The following UPF2 variants were observed in gnomAD, a reference collection of about 807,000 sequenced individuals.
UPF2 encodes UPF2 regulator of nonsense mediated mRNA decay.
A neutral mutation model predicts 141.4 loss-of-function variants in UPF2; 17 were observed. The observed-to-expected ratio is 0.12, with a 90% CI of 0.08 to 0.18. UPF2 has a LOEUF of 0.18. UPF2 is among the 10% of genes least tolerant of loss of function. UPF2 has a pLI of 1.00. For missense variants in UPF2, 1,152 were observed against 1,515.9 expected, an observed-to-expected ratio of 0.76 and a Z score of 3.99; for synonymous variants, 540 against 498.0, an observed-to-expected ratio of 1.08 and a Z score of -1.12.
At position 11,940,624 on chromosome 10, in the gene UPF2, C is replaced by T. The variant is rs1202530135; in HGVS notation, c.3378+2041G>A. 6.6e-6 allele frequency among the ~76,000 whole-genome samples: 1 copy of T among 152,212 alleles called. No homozygotes were observed. The highest frequency in any genetic ancestry group is 1.5e-5 in the Non-Finnish European group (1 of 68,026). Reference sequence around the variant, plus strand: ...ATCATCTTTGATGCCTCACCCCCTACACACCCATATCCAATCCAGCGCCAA... The same window carrying T: ...ATCATCTTTGATGCCTCACCCCCTATACACCCATATCCAATCCAGCGCCAA... On this transcript the variant is annotated intron_variant, in intron 18 of 21. Coordinates refer to ENST00000357604, the MANE Select transcript of UPF2 (RefSeq NM_015542.4). The surrounding 1 kb of genome is among the most constrained non-coding windows in gnomAD (Gnocchi z 4.2).
intron 9 of UPF2, among the ~76,000 whole-genome samples, chr10:11,970,831 A>G: frequency 6.6e-6 from 1 of 152,098 alleles, no homozygotes. Context: ...ATAAATAAAT[A>G]AATAACAAAA....
chr10:11,928,040 G>A (rs1832734067), intron 21 of UPF2, among the ~76,000 whole-genome samples: 1 of 152,336 alleles, frequency 6.6e-6, no homozygotes, highest in South Asian at 2.1e-4. Flanking sequence ...TCCACTAAGT[G>A]AGATCAGTAA....
intron 3 of UPF2, chr10:12,026,677 T>G (rs1358173330): frequency 2.2e-6 from 1 of 445,528 alleles, no homozygotes; most frequent in Admixed American, 2.5e-5. Flanking sequence ...TAGGACGAAG[T>G]CTCGCTCTTG....
intron 19 of UPF2, among the ~76,000 whole-genome samples, chr10:11,933,388 A>G (rs1832804700): frequency 2.6e-5 from 4 of 152,322 alleles, no homozygotes; most frequent in Non-Finnish European, 4.4e-5. Flanking sequence ...ATTCCAAATA[A>G]AGTTTAGAAG....
At chr10:11,937,405 C>T (rs1029677771) in intron 18 of UPF2, among the ~76,000 whole-genome samples, 38 of 152,240 alleles carry the variant, frequency 2.5e-4, no homozygotes, top group African/African-American at 9.2e-4. Flanking sequence ...TGTACAGCAC[C>T]TGTGGAGGAG....
rs1833572214 is a variant in UPF2 at position 11,980,398 on chromosome 10, T to C, written c.1845-1233A>G. 6.6e-6 allele frequency among the ~76,000 whole-genome samples: 1 copy of C among 152,166 alleles called. No homozygotes were observed. Among genetic ancestry groups the C allele is most frequent in the Non-Finnish European group, 1.5e-5 (1 of 68,030 alleles). On this transcript the variant is annotated intron_variant, in intron 8 of 21. Coordinates refer to ENST00000357604, the MANE Select transcript of UPF2 (RefSeq NM_015542.4). This position sits in a 1 kb window ranked among gnomAD's most constrained non-coding sequence, Gnocchi z 4.2. ...TAAAATTACAAGAGCTTAAAAATTA[T>C]GACAGCTTGAAGCCAATTAGAACAG...
intron 11 of UPF2, among the ~76,000 whole-genome samples, chr10:11,962,011 A>C (rs1362979778): frequency 6.6e-6 from 1 of 152,218 alleles, no homozygotes; most frequent in African/African-American, 2.4e-5. Flanking sequence ...CAAACAGGCA[A>C]GAAAAGACTC....
rs564376228 is a variant in UPF2 at position 12,016,186 on chromosome 10, C to A, written c.1146-2002G>T. On this transcript the variant is annotated intron_variant, in intron 3 of 21. Transcript: ENST00000357604. This position sits in a 1 kb window ranked among gnomAD's most constrained non-coding sequence, Gnocchi z 4.1. ...TTTAATCAGAAGTTCTAATAGAACT[C>A]ATTTTGGAAGTGAAAAGTCATTTAA... Among the ~76,000 whole-genome samples the A allele has an allele frequency of 6.6e-6, 1 of 152,018 alleles. No homozygotes were observed. Among genetic ancestry groups the A allele is most frequent in the Non-Finnish European group, 1.5e-5 (1 of 68,002 alleles).
rs144763957 is a variant in UPF2, at chr10:11,989,828, C to T, written c.1844+7844G>A. On this transcript the variant is annotated intron_variant, in intron 8 of 21. Transcript: ENST00000357604. The stretch of plus-strand genomic sequence containing the variant: ...GGCCACCTAGAAGCCATGCTAGTGA[C>T]GTAGATGAAAGTGGTCTGGATCCTT... Among the ~76,000 whole-genome samples the T allele has an allele frequency of 1.7e-3, 257 of 152,222 alleles. 1 individual carries two copies. The highest frequency in any genetic ancestry group is 5.8e-3 in the African/African-American group (239 of 41,544).
chr10:11,921,405 TCCC>T lies in UPF2; in HGVS notation c.3810-101_3810-99del. 6.7e-7 allele frequency: 1 copy of T among 1,491,016 alleles called. No individual in the cohort carries two copies. Among genetic ancestry groups the T allele is most frequent in the South Asian group, 1.2e-5 (1 of 86,462 alleles). The allele number at this position is 1,491,016 out of a possible 1,614,324, so 92.4% of individuals were successfully genotyped here. ...ACGCTACCCACCACCACCAAGTCAC[TCCC>T]CCAAGTTACAGGTGGCCCTGGCATC... On this transcript the variant is annotated intron_variant, in intron 21 of 21. Coordinates refer to ENST00000357604, the MANE Select transcript of UPF2 (RefSeq NM_015542.4). This position sits in a 1 kb window ranked among gnomAD's most constrained non-coding sequence, Gnocchi z 5.9.
In UPF2 at chr10:11,936,715, A is replaced by G; in HGVS notation, c.3379-3T>C. The G allele has an allele frequency of 6.2e-7, 1 of 1,601,060 alleles. No homozygotes were observed. Among genetic ancestry groups the G allele is most frequent in the Non-Finnish European group, 8.5e-7 (1 of 1,174,704 alleles). ...TTAACAGATTCACCACTTCGTTGCT[A>G]AAAGAAATTAAAAAGGACATAATAA... On this transcript the variant is annotated splice_region_variant and splice_polypyrimidine_tract_variant and intron_variant, in intron 18 of 21. Transcript: ENST00000357604. The surrounding 1 kb of genome is among the most constrained non-coding windows in gnomAD (Gnocchi z 6.6).
At chr10:12,007,386 G>C (rs1834051807) in intron 4 of UPF2, among the ~76,000 whole-genome samples, 1 of 152,134 alleles carries the variant, frequency 6.6e-6, no homozygotes, top group Admixed American at 6.5e-5. Flanking sequence ...AATATTTTGT[G>C]TATCTAAAAA....
Position 12,035,074 on chromosome 10 carries a change from G to C in UPF2, c.350C>G (p.Ala117Gly), listed in dbSNP as rs781457733. 14 of 1,568,778 alleles carry C rather than the reference G, an allele frequency of 8.9e-6. No homozygotes were observed. The highest frequency in any genetic ancestry group is 7.7e-6 in the Non-Finnish European group (9 of 1,167,740). ...EQAKRQQEEE[A>G]AAQMKEKEES... ...ACTGCCTTACTTCATCTGAGCAGCTGCTTCTTCTTCTTGCTGACGTTTGGC... is the reference window on the plus strand; with the variant it reads ...ACTGCCTTACTTCATCTGAGCAGCTCCTTCTTCTTCTTGCTGACGTTTGGC... The change falls in exon 2 of 22, where the codon GCA (alanine) becomes GGA (glycine). Residue 117 changes from alanine (A) to glycine (G), a missense_variant. By Grantham distance (60) the Ala-to-Gly change is moderately conservative. Coordinates refer to ENST00000357604, the MANE Select transcript of UPF2 (RefSeq NM_015542.4).
chr10:12,018,473 C>T (rs150170816), intron 3 of UPF2, among the ~76,000 whole-genome samples: 304 of 152,156 alleles, frequency 2.0e-3, no homozygotes, highest in African/African-American at 7.0e-3. Context: ...CCCAGCTACT[C>T]AGGAGGCTGA....
chr10:11,928,028 A>G (rs887476252), intron 21 of UPF2, among the ~76,000 whole-genome samples: 1 of 152,178 alleles, frequency 6.6e-6, no homozygotes, highest in African/African-American at 2.4e-5. Context: ...TTTAAACACT[A>G]ATCCACTAAG....
intron 21 of UPF2, among the ~76,000 whole-genome samples, chr10:11,927,089 C>T (rs1832722688): frequency 6.6e-6 from 1 of 152,194 alleles, no homozygotes; most frequent in African/African-American, 2.4e-5. Context: ...ACTCGGCTTC[C>T]CTACTGGACC....
chr10:11,935,254 T>G lies in UPF2; in HGVS notation c.3546+1291A>C, dbSNP rs944483254. 6.6e-6 allele frequency among the ~76,000 whole-genome samples: 1 copy of G among 152,182 alleles called. No individual in the cohort carries two copies. The highest frequency in any genetic ancestry group is 2.4e-5 in the African/African-American group (1 of 41,440). ...AGCCATCCCAACGTGACTTGGTGTA[T>G]TTCTCATATGCCTCCCAACACCAGA... On this transcript the variant is annotated intron_variant, in intron 19 of 21. Transcript: ENST00000357604. This position sits in a 1 kb window ranked among gnomAD's most constrained non-coding sequence, Gnocchi z 4.9.
At chr10:11,948,632 G>A in intron 15 of UPF2, 124 bp from the exon 16 acceptor site, 8 of 1,126,644 alleles carry the variant, frequency 7.1e-6, no homozygotes, top group South Asian at 3.5e-5. Flanking sequence ...TCAGAACAAA[G>A]GTAAAAGAAT....
chr10:11,967,410 A>G lies in UPF2; in HGVS notation c.1998T>C (p.Thr666=). Residue 666 remains threonine, a synonymous_variant, in exon 10 of 22, where the codon ACT becomes ACC. Coordinates refer to ENST00000357604, the MANE Select transcript of UPF2 (RefSeq NM_015542.4). ...DQINIETKNK[T]VRFIGELTKF... The stretch of plus-strand genomic sequence containing the variant: ...TAGTTAGTTCTCCTATAAAACGAAC[A>G]GTTTTATTCTTTGTTTCAATATTGA... The G allele has an allele frequency of 6.3e-7, 1 of 1,588,832 alleles. No homozygotes were observed. The highest frequency in any genetic ancestry group is 8.5e-7 in the Non-Finnish European group (1 of 1,172,420).
Sources: allele counts gnomAD v4.1 joint callset (sites outside exome capture counted in the v4.1 genomes callset), GRCh38; gene constraint gnomAD v4.1.1; non-coding constraint Gnocchi (gnomAD v3.1); transcripts MANE v1.5; gene names NCBI Gene and HGNC (gene_info 2026-07-23, HGNC 2026-07-21).